Variants in THEMIS observed in about 807,000 individuals in gnomAD.
The protein encoded by THEMIS is thymocyte selection associated.
Under a neutral mutation model 52.6 loss-of-function variants are expected in THEMIS, and 37 were observed. That is an observed-to-expected ratio of 0.70 (90% CI 0.54 to 0.93). The LOEUF is 0.93. Ranked by LOEUF, THEMIS falls within the 40% of genes least tolerant of loss-of-function variation. The probability of loss-of-function intolerance (pLI) is 0.00; values close to 1 mark genes in which losing one functional copy is unlikely to be tolerated. For missense variants in THEMIS, 808 were observed against 763.1 expected (o/e 1.06, Z -0.69); for synonymous variants, 292 against 272.7 (o/e 1.07, Z -0.70).
intron 4 of THEMIS, among the ~76,000 whole-genome samples, chr6:127,728,033 A>G (rs992650402): frequency 1.3e-5 from 2 of 152,012 alleles, no homozygotes; most frequent in African/African-American, 4.8e-5. Context: ...ATCCCTCTCC[A>G]TTTTGCTCAG....
At chr6:127,696,689 C>A in the THEMIS span, among the ~76,000 whole-genome samples, 3 of 152,138 alleles carry the variant, frequency 2.0e-5, no homozygotes, top group African/African-American at 7.2e-5. Flanking sequence ...AGTCTGAGAT[C>A]ACAGTGTTAG....
At chr6:127,756,469 C>T (rs900380398) in intron 4 of THEMIS, among the ~76,000 whole-genome samples, 1 of 152,108 alleles carries the variant, frequency 6.6e-6, no homozygotes, top group Non-Finnish European at 1.5e-5. Context: ...GTGATGAAAA[C>T]GATCAATGTA....
intron 3 of THEMIS, among the ~76,000 whole-genome samples, chr6:127,821,202 T>G (rs1391238020): frequency 6.6e-6 from 1 of 151,890 alleles, no homozygotes; most frequent in Non-Finnish European, 1.5e-5. Context: ...GAGATAAATT[T>G]TTTAAACAAG....
intron 1 of THEMIS, among the ~76,000 whole-genome samples, chr6:127,868,013 C>G (rs270047): frequency 0.66 from 99,587 of 151,828 alleles, 32,876 homozygotes; most frequent in East Asian, 0.83. Context: ...GCCTTCTCTA[C>G]AGTCAAGTTC....
intron 4 of THEMIS, among the ~76,000 whole-genome samples, chr6:127,788,320 T>C (rs1375547336): frequency 1.3e-5 from 2 of 152,174 alleles, no homozygotes; most frequent in Non-Finnish European, 2.9e-5. Flanking sequence ...GAGAATTGCC[T>C]CTCAATAATC....
intron 4 of THEMIS, among the ~76,000 whole-genome samples, chr6:127,736,643 A>G (rs913069847): frequency 2.6e-5 from 4 of 152,170 alleles, no homozygotes; most frequent in Non-Finnish European, 5.9e-5. Flanking sequence ...ATATCCTCAA[A>G]TGCAAATCAA....
intron 2 of THEMIS, among the ~76,000 whole-genome samples, chr6:127,847,409 C>A (rs1779256153): frequency 6.6e-6 from 1 of 151,892 alleles, no homozygotes; most frequent in African/African-American, 2.4e-5. Context: ...AAAAAGCTCC[C>A]AGATCTGATA....
intron 1 of THEMIS, among the ~76,000 whole-genome samples, chr6:127,915,022 T>C (rs1023700816): frequency 5.3e-5 from 8 of 152,186 alleles, no homozygotes; most frequent in African/African-American, 1.9e-4. Flanking sequence ...GAATCAAGTT[T>C]ATATAATTTT....
At chr6:127,877,922 G>C (rs188489208) in intron 1 of THEMIS, among the ~76,000 whole-genome samples, 1 of 152,112 alleles carries the variant, frequency 6.6e-6, no homozygotes, top group Non-Finnish European at 1.5e-5. Context: ...ATCTGTTCAA[G>C]AGTTTTAACC....
At chr6:127,806,025 G>A (rs1354431132) in intron 4 of THEMIS, among the ~76,000 whole-genome samples, 1 of 151,480 alleles carries the variant, frequency 6.6e-6, no homozygotes, top group African/African-American at 2.4e-5. Flanking sequence ...AATATCTAGT[G>A]AGCCCACACT....
the THEMIS span, among the ~76,000 whole-genome samples, chr6:127,702,263 A>C: frequency 9.8e-4 from 149 of 152,294 alleles, 4 homozygotes; most frequent in East Asian, 4.4e-3. Context: ...ATTGATGTCC[A>C]AGTCCTATTT....
intron 4 of THEMIS, among the ~76,000 whole-genome samples, chr6:127,740,369 T>C (rs971543289): frequency 6.6e-6 from 1 of 152,188 alleles, no homozygotes; most frequent in African/African-American, 2.4e-5. Context: ...TACCCGTTTG[T>C]GACCCCTGGT....
intron 4 of THEMIS, among the ~76,000 whole-genome samples, chr6:127,745,680 T>C (rs1187720222): frequency 1.3e-5 from 2 of 151,816 alleles, no homozygotes; most frequent in African/African-American, 4.8e-5. Flanking sequence ...GAAAGATGAG[T>C]GAAATAACAT....
chr6:127,829,698 A>G lies in THEMIS; in HGVS notation c.487T>C (p.Phe163Leu). The change falls in exon 3 of 6, where the codon TTT becomes CTT. Residue 163 changes from phenylalanine to leucine, a missense_variant. By Grantham distance (22) the Phe-to-Leu change is conservative. Coordinates refer to ENST00000368248, the MANE Select transcript of THEMIS (RefSeq NM_001010923.3). Reference protein sequence around the residue: ...AVARNHQTHSFNLPLSQEGEF... With the variant: ...AVARNHQTHSLNLPLSQEGEF... ...CCTTCTTGTGACAAAGGCAAATTAAATGAGTGAGTTTGATGATTCCTTGCT... is the reference window on the plus strand; with the variant it reads ...CCTTCTTGTGACAAAGGCAAATTAAGTGAGTGAGTTTGATGATTCCTTGCT... 6.2e-7 allele frequency: 1 copy of G among 1,614,120 alleles called. No homozygotes were observed. The highest frequency in any genetic ancestry group is 8.5e-7 in the Non-Finnish European group (1 of 1,180,012).
At chr6:127,759,582 A>G (rs150569990) in intron 4 of THEMIS, among the ~76,000 whole-genome samples, 1 of 152,276 alleles carries the variant, frequency 6.6e-6, no homozygotes, top group South Asian at 2.1e-4. Context: ...CTTAGAGTCA[A>G]CCTTAACACT....
chr6:127,765,223 T>C (rs1401829116), intron 4 of THEMIS, among the ~76,000 whole-genome samples: 1 of 152,132 alleles, frequency 6.6e-6, no homozygotes, highest in Non-Finnish European at 1.5e-5. Context: ...TGTTATTTTC[T>C]TCCACCTCTT....
intron 1 of THEMIS, among the ~76,000 whole-genome samples, chr6:127,872,084 A>G (rs1478525907): frequency 6.6e-6 from 1 of 152,208 alleles, no homozygotes; most frequent in Non-Finnish European, 1.5e-5. Context: ...ATCTAGCAAT[A>G]TATAAAAAGA....
At chr6:127,791,895 T>C (rs559700463) in intron 4 of THEMIS, among the ~76,000 whole-genome samples, 2 of 152,036 alleles carry the variant, frequency 1.3e-5, no homozygotes, top group African/African-American at 2.4e-5. Flanking sequence ...GAAATTGGAG[T>C]GGGCACTGGG....
At chr6:127,744,692 C>T (rs1775325551) in intron 4 of THEMIS, among the ~76,000 whole-genome samples, 1 of 151,860 alleles carries the variant, frequency 6.6e-6, no homozygotes, top group African/African-American at 2.4e-5. Flanking sequence ...ATGAGGTGTT[C>T]TTGTTCAATG....
Sources: gnomAD v4.1 joint callset for allele counts (sites outside exome capture counted in the v4.1 genomes callset) on GRCh38, gnomAD v4.1.1 for gene constraint, MANE v1.5 for transcripts, NCBI Gene and HGNC (gene_info 2026-07-23, HGNC 2026-07-21) for gene names.